Variants in RNF213 observed in about 807,000 individuals in gnomAD.
RNF213 encodes ring finger protein 213, also known as E3 ubiquitin-protein ligase RNF213.
Under a neutral mutation model 514.4 loss-of-function variants are expected in RNF213, and 341 were observed. The ratio of observed to expected loss-of-function variants is 0.66; its 90% CI spans 0.61 to 0.73. The LOEUF is 0.73. Ranked by LOEUF, RNF213 falls within the 30% of genes least tolerant of loss-of-function variation. The pLI is 0.00. For missense variants in RNF213, 5,767 were observed against 6,615.6 expected, an observed-to-expected ratio of 0.87 and a Z score of 4.45; for synonymous variants, 2,655 against 2,658.2, an observed-to-expected ratio of 1.00 and a Z score of 0.04.
At chr17:80,278,174 G>A (rs1012958246) in intron 3 of RNF213, among the ~76,000 whole-genome samples, 3 of 152,244 alleles carry the variant, frequency 2.0e-5, no homozygotes, top group African/African-American at 7.2e-5. Flanking sequence ...AGGCCAGGAG[G>A]CTGCTGGTGG....
intron 25 of RNF213, 145 bp downstream of exon 25, chr17:80,338,142 T>G (rs945316184): frequency 3.8e-6 from 4 of 1,063,384 alleles, no homozygotes; most frequent in Non-Finnish European, 5.4e-6. Context: ...GAGAGTAGAG[T>G]TGGCACATTT....
At chr17:80,352,233 T>C (rs2144211150) in intron 32 of RNF213, 1 of 194,896 alleles carries the variant, frequency 5.1e-6, no homozygotes, top group African/African-American at 2.4e-5. Flanking sequence ...TAGAATATTA[T>C]TGTTAACCTC....
rs771759700 is a variant in RNF213, at chr17:80,363,645, A to G, written c.11605A>G (p.Met3869Val). The change falls in exon 41 of 68, where the codon ATG becomes GTG. Residue 3869 changes from methionine to valine, a missense_variant. This residue lies in a region of RNF213 where 355 missense variants were observed against 358.0 expected (regional missense o/e 0.99). Transcript: ENST00000582970. ...DAFAAMACTE[M>V]LTRNTLKPSP... is the part of the protein sequence containing the mutation. ...ATTTGCCGCAATGGCCTGCACGGAG[A>G]TGCTGACAAGAAACACCCTGAAGCC... is the stretch of plus-strand genomic sequence containing the variant. 3.1e-6 allele frequency: 5 copies of G among 1,614,040 alleles called. No homozygotes were observed. In the East Asian group the frequency reaches 1.1e-4, roughly 36 times the overall value.
At chr17:80,374,422 C>T (rs755270366) in intron 49 of RNF213, 36 bp from the exon 50 acceptor site, 2 of 1,613,780 alleles carry the variant, frequency 1.2e-6, no homozygotes, top group Admixed American at 1.7e-5. Flanking sequence ...AGACATTCCT[C>T]CCATTGTTCA....
At position 80,263,722 on chromosome 17, in the gene RNF213, C is replaced by T. The variant is rs774157175; in HGVS notation, c.41C>T (p.Thr14Ile). The T allele has an allele frequency of 1.2e-6, 2 of 1,614,150 alleles. No individual in the cohort carries two copies. The highest frequency in any genetic ancestry group is 8.5e-7 in the Non-Finnish European group (1 of 1,180,008). Reference sequence around the variant, plus strand: ...TGCCAGCATGTCTCCAAGGAGGAAACCCCCAAGTTCTGCAGCCAGTGCGGA... The same window carrying T: ...TGCCAGCATGTCTCCAAGGAGGAAATCCCCAAGTTCTGCAGCCAGTGCGGA... ...PSCQHVSKEE[T>I]PKFCSQCGER... Residue 14 changes from threonine (T) to isoleucine (I), a missense_variant, in exon 2 of 68, where the codon ACC (threonine) becomes ATC (isoleucine). Around this residue, in one of 13 missense-constraint regions of RNF213, gnomAD observed 509 missense variants for 496.7 expected, o/e 1.02. Coordinates refer to ENST00000582970, the MANE Select transcript of RNF213 (RefSeq NM_001256071.3). The surrounding 1 kb of genome is among the most constrained non-coding windows in gnomAD (Gnocchi z 4.9).
In RNF213 at chr17:80,358,324, C is replaced by T. The variant is rs762648576; in HGVS notation, c.10899C>T (p.Thr3633=). The T allele has an allele frequency of 1.9e-6, 3 of 1,614,014 alleles. No individual in the cohort carries two copies. In the African/African-American group the frequency reaches 4.0e-5, roughly 22 times the overall value. ...GGAAGCGGGTCCAAGGTGCTGTCAC[C>T]CCTCTGCTGGCGAGCATGATATCAT... ...TLWKRVQGAV[T]PLLASMISFI... is the part of the protein sequence containing the mutation. Residue 3633 remains threonine, a synonymous_variant, in exon 37 of 68, where the codon ACC becomes ACT. Transcript: ENST00000582970.
intron 36 of RNF213, among the ~76,000 whole-genome samples, chr17:80,356,893 C>T (rs542624880): frequency 1.5e-4 from 22 of 149,394 alleles, no homozygotes; most frequent in Middle Eastern, 3.2e-3. Context: ...AGAGGCTTCG[C>T]TTTTCCCCCA....
chr17:80,383,044 G>A lies in RNF213; in HGVS notation c.14044G>A (p.Ala4682Thr), dbSNP rs746242138. ...EMRNNWEKEI[A>T]AVISPELEHL... The stretch of plus-strand genomic sequence containing the variant: ...GAGGAACAACTGGGAAAAGGAAATC[G>A]CAGCTGTGATTTCTCCTGAACTGGA... Residue 4682 changes from alanine (A) to threonine (T), a missense_variant, in exon 58 of 68, where the codon GCA (alanine) becomes ACA (threonine). Physicochemically the swap from Ala to Thr is moderately conservative, Grantham distance 58 (BLOSUM62 0). Coordinates refer to ENST00000582970, the MANE Select transcript of RNF213 (RefSeq NM_001256071.3). 31 of 1,612,928 alleles carry A rather than the reference G, an allele frequency of 1.9e-5. No homozygotes were observed. The highest frequency in any genetic ancestry group is 4.0e-5 in the African/African-American group (3 of 74,870).
chr17:80,363,395 G>A (rs2079127484), intron 40 of RNF213, 81 bp downstream of exon 40: 14 of 1,424,948 alleles, frequency 9.8e-6, no homozygotes, highest in African/African-American at 5.6e-5. Context: ...TTCTGGGGCT[G>A]TGTTCCAAGT....
intron 14 of RNF213, among the ~76,000 whole-genome samples, chr17:80,311,688 C>T (rs1286440759): frequency 6.6e-6 from 1 of 152,220 alleles, no homozygotes; most frequent in Admixed American, 6.5e-5. Flanking sequence ...CACTCTCGGG[C>T]AGCCCCGCCC....
At chr17:80,305,981 T>C (rs367779663) in intron 11 of RNF213, among the ~76,000 whole-genome samples, 7 of 152,024 alleles carry the variant, frequency 4.6e-5, no homozygotes, top group African/African-American at 1.2e-4. Context: ...TATTTTTGTT[T>C]TCCACATAGC....
At position 80,353,267 on chromosome 17, in the gene RNF213, C is replaced by A; in HGVS notation, c.10423+208C>A. The A allele has an allele frequency of 2.5e-6, 2 of 800,562 alleles. No homozygotes were observed. The highest frequency in any genetic ancestry group is 4.0e-6 in the Non-Finnish European group (2 of 494,202). 49.6% of individuals were successfully genotyped at this position (800,562 alleles called of 1,614,324 possible). A position where few individuals can be genotyped will look rare whatever the true frequency, so the allele number is the denominator to read the frequency against. ...GCGCTTACCACAGGCTGAGGTAGAG[C>A]TCTGTGAGCAGGCCAGCCATGGAAG... On this transcript the variant is annotated intron_variant, in intron 33 of 67. Coordinates refer to ENST00000582970, the MANE Select transcript of RNF213 (RefSeq NM_001256071.3). The surrounding 1 kb of genome is among the most constrained non-coding windows in gnomAD (Gnocchi z 5.0).
rs2079558807 is a variant in RNF213, at chr17:80,372,595, C to T, written c.12612C>T (p.Phe4204=). Residue 4204 remains phenylalanine, a synonymous_variant, in exon 48 of 68, where the codon TTC becomes TTT. Coordinates refer to ENST00000582970, the MANE Select transcript of RNF213 (RefSeq NM_001256071.3). ...ELNHLEEEGR[F]LKAYSPASRG... ...ACCACCTAGAAGAGGAAGGTCGTTT[C>T]CTTAAGGCATATTCTCCAGCAAGCC... 1 of 1,613,892 alleles carries T rather than the reference C, an allele frequency of 6.2e-7. No homozygotes were observed. The highest frequency in any genetic ancestry group is 8.5e-7 in the Non-Finnish European group (1 of 1,179,968).
intron 32 of RNF213, 148 bp from the exon 33 acceptor site, chr17:80,352,792 G>A: frequency 8.2e-7 from 1 of 1,214,838 alleles, no homozygotes; most frequent in Non-Finnish European, 1.2e-6. Flanking sequence ...TTCTGCGCAG[G>A]CCCATTCCAG....
chr17:80,355,712 A>G lies in RNF213; in HGVS notation c.10862+1136A>G, dbSNP rs377305462. ...GGTGACCGGGAATGGGGGCTTACAG[A>G]GGAAGAAGCGGGGTGGACGGGAATG... is the stretch of plus-strand genomic sequence containing the variant. On this transcript the variant is annotated intron_variant, in intron 36 of 67. Transcript: ENST00000582970. Among the ~76,000 whole-genome samples, 97 of 32,384 alleles carry G rather than the reference A, an allele frequency of 3.0e-3. 5 individuals are homozygous for G. The highest frequency in any genetic ancestry group is 0.029 in the Middle Eastern group (1 of 34). The allele number at this position is 32,384 out of a possible 152,430, so 21.2% of individuals were successfully genotyped here. A position where few individuals can be genotyped will look rare whatever the true frequency, so the allele number is the denominator to read the frequency against.
intron 2 of RNF213, among the ~76,000 whole-genome samples, chr17:80,266,855 G>T (rs1278957095): frequency 2.6e-5 from 4 of 152,154 alleles, no homozygotes; most frequent in Non-Finnish European, 5.9e-5. Flanking sequence ...AGCTTCTTGA[G>T]GAAGGCATGT....
At position 80,372,590 on chromosome 17, in the gene RNF213, C is replaced by T. The variant is rs141089596; in HGVS notation, c.12607C>T (p.Arg4203Cys). The change falls in exon 48 of 68, where the codon CGT becomes TGT. Residue 4203 changes from arginine (R) to cysteine (C), a missense_variant. Arg to Cys is a radical substitution (Grantham distance 180, BLOSUM62 -3). Coordinates refer to ENST00000582970, the MANE Select transcript of RNF213 (RefSeq NM_001256071.3). ...ACTGAACCACCTAGAAGAGGAAGGTCGTTTCCTTAAGGCATATTCTCCAGC... is the reference window on the plus strand; with the variant it reads ...ACTGAACCACCTAGAAGAGGAAGGTTGTTTCCTTAAGGCATATTCTCCAGC... ...DELNHLEEEG[R>C]FLKAYSPASR... 5.0e-6 allele frequency: 8 copies of T among 1,613,856 alleles called. No homozygotes were observed. The highest frequency in any genetic ancestry group is 1.6e-4 in the Middle Eastern group (1 of 6,084).
Position 80,383,048 on chromosome 17 carries a change from C to T in RNF213, c.14048C>T (p.Ala4683Val). 2 of 1,613,564 alleles carry T rather than the reference C, an allele frequency of 1.2e-6. No individual in the cohort carries two copies. Among genetic ancestry groups the T allele is most frequent in the Non-Finnish European group, 1.7e-6 (2 of 1,179,508 alleles). Residue 4683 changes from alanine to valine, a missense_variant, in exon 58 of 68, where the codon GCT becomes GTT. By Grantham distance (64) the Ala-to-Val change is moderately conservative. Around this residue, in one of 13 missense-constraint regions of RNF213, gnomAD observed 1,245 missense variants for 1,339.0 expected, o/e 0.93. Coordinates refer to ENST00000582970, the MANE Select transcript of RNF213 (RefSeq NM_001256071.3). The part of the protein sequence containing the change: ...MRNNWEKEIA[A>V]VISPELEHLD... ...AACAACTGGGAAAAGGAAATCGCAG[C>T]TGTGATTTCTCCTGAACTGGAGGTA...
rs140331722 is a variant in RNF213, at chr17:80,397,263, T to C, written c.*3765T>C. 5 of 152,340 alleles carry C rather than the reference T, an allele frequency of 3.3e-5. No individual in the cohort carries two copies. The East Asian group carries it at 7.7e-4, about 24-fold the overall frequency. 9.4% of individuals were successfully genotyped at this position (152,340 alleles called of 1,614,324 possible). On this transcript the variant is annotated 3_prime_UTR_variant, in exon 68 of 68. Transcript: ENST00000582970. Reference sequence around the variant, plus strand: ...CTCCCATTTGCCAGTTCTACAGCCATGGGCAAGTGGCTCGACCTCTCTAAG... The same window carrying C: ...CTCCCATTTGCCAGTTCTACAGCCACGGGCAAGTGGCTCGACCTCTCTAAG...
Sources: allele counts gnomAD v4.1 joint callset (sites outside exome capture counted in the v4.1 genomes callset), GRCh38; gene constraint gnomAD v4.1.1; regional missense constraint gnomAD v4.1.1; non-coding constraint Gnocchi (gnomAD v3.1); transcripts MANE v1.5; gene names NCBI Gene and HGNC (gene_info 2026-07-23, HGNC 2026-07-21).